TGFBR3: variants seen among roughly 807,000 people sequenced by gnomAD.
TGFBR3 encodes the protein transforming growth factor beta receptor 3, also known as transforming growth factor beta receptor type 3.
TGFBR3 carries 46 observed loss-of-function variants against 87.9 expected under a neutral mutation model. The ratio of observed to expected loss-of-function variants is 0.52; its 90% CI spans 0.41 to 0.67. The LOEUF is 0.67. TGFBR3 is among the 30% of genes least tolerant of loss of function. TGFBR3 has a pLI of 0.00. For synonymous variants in TGFBR3, 381 were observed against 391.6 expected (o/e 0.97, Z 0.32); for missense variants, 866 against 1,041.9 (o/e 0.83, Z 2.32).
At chr1:91,869,277 G>A (rs905391772) in intron 1 of TGFBR3, among the ~76,000 whole-genome samples, 5 of 152,238 alleles carry the variant, frequency 3.3e-5, no homozygotes, top group Admixed American at 1.3e-4. Context: ...CCAGCAAGGC[G>A]GATCACAGTC....
upstream of TGFBR3, among the ~76,000 whole-genome samples, chr1:91,886,586 G>A (rs1250019983): frequency 1.3e-5 from 2 of 152,158 alleles, no homozygotes; most frequent in African/African-American, 4.8e-5. Context: ...TTGGTTCCTT[G>A]GTCTTTATAT....
intron 2 of TGFBR3, among the ~76,000 whole-genome samples, chr1:91,851,019 C>A (rs1677710580): frequency 6.6e-6 from 1 of 152,162 alleles, no homozygotes. Context: ...TTTATCAAGA[C>A]CTTTTCCTTT....
chr1:91,899,672 C>A lies in TGFBR3; in HGVS notation c.-149G>T, dbSNP rs912755791. 7 of 152,184 alleles carry A rather than the reference C, an allele frequency of 4.6e-5. 1 individual carries two copies. The highest frequency in any genetic ancestry group is 2.1e-4 in the South Asian group (1 of 4,826). 9.4% of individuals were successfully genotyped at this position (152,184 alleles called of 1,614,324 possible). On this transcript the variant is annotated 5_prime_UTR_variant, in exon 2 of 18. Transcript: ENST00000370399. ...CTACACACAAGGATTCTCTGCCGTCCCTCTGATGTTGTGTCCTTGCTTTGA... is the reference window on the plus strand; with the variant it reads ...CTACACACAAGGATTCTCTGCCGTCACTCTGATGTTGTGTCCTTGCTTTGA...
intron 2 of TGFBR3, among the ~76,000 whole-genome samples, chr1:91,823,690 C>A (rs1311023853): frequency 1.3e-5 from 2 of 152,128 alleles, no homozygotes; most frequent in African/African-American, 4.8e-5. Context: ...TTAGTAATTG[C>A]CTGGGACTGG....
intron 1 of TGFBR3, among the ~76,000 whole-genome samples, chr1:91,865,202 CAAAAAAAAA>C (rs67134125): frequency 4.3e-4 from 45 of 105,262 alleles, no homozygotes; most frequent in African/African-American, 1.6e-3. Flanking sequence ...GACTCCATCT[CAAAAAAAAA>C]AAAAAAAAGA....
intron 2 of TGFBR3, among the ~76,000 whole-genome samples, chr1:91,851,314 T>C (rs1264113205): frequency 6.6e-6 from 1 of 152,182 alleles, no homozygotes; most frequent in Non-Finnish European, 1.5e-5. Context: ...AAAATATGAC[T>C]AGATTGAAGT....
chr1:91,855,098 A>G (rs1677888921), intron 2 of TGFBR3, among the ~76,000 whole-genome samples: 1 of 152,196 alleles, frequency 6.6e-6, no homozygotes. Flanking sequence ...GAGCTTTCTG[A>G]GCAGGAAAAT....
intron 4 of TGFBR3, among the ~76,000 whole-genome samples, chr1:91,746,959 A>G (rs928919029): frequency 6.6e-6 from 1 of 152,178 alleles, no homozygotes; most frequent in East Asian, 1.9e-4. Flanking sequence ...CACATCCCTC[A>G]GCCTCATGTT....
chr1:91,851,306 A>C (rs1473836001), intron 2 of TGFBR3, among the ~76,000 whole-genome samples: 1 of 152,212 alleles, frequency 6.6e-6, no homozygotes, highest in Non-Finnish European at 1.5e-5. Flanking sequence ...AGAAAACAAA[A>C]ATATGACTAG....
chr1:91,799,917 C>A (rs1049477755), intron 2 of TGFBR3, among the ~76,000 whole-genome samples: 4 of 152,148 alleles, frequency 2.6e-5, no homozygotes, highest in African/African-American at 9.7e-5. Context: ...AAGATGTGCA[C>A]TTCTTGCCTT....
chr1:91,787,943 G>GGGAAAAAAAAAAAAAAAAA (rs945269870), intron 3 of TGFBR3, among the ~76,000 whole-genome samples: 38 of 133,300 alleles, frequency 2.9e-4, no homozygotes, highest in African/African-American at 1.1e-3. Flanking sequence ...GTCTCACGGG[G>GGGAAAAAAAAAAAAAAAAA]AAAAAAAAAA....
intron 2 of TGFBR3, among the ~76,000 whole-genome samples, chr1:91,810,075 C>A (rs139273776): frequency 6.6e-6 from 1 of 152,016 alleles, no homozygotes; most frequent in Middle Eastern, 3.2e-3. Flanking sequence ...GGTAAGTGGA[C>A]GGGGACAAGG....
chr1:91,745,257 C>T (rs1232081667), intron 4 of TGFBR3, among the ~76,000 whole-genome samples: 2 of 152,222 alleles, frequency 1.3e-5, no homozygotes, highest in African/African-American at 4.8e-5. Flanking sequence ...TTCCTCTTCC[C>T]TTTTCCTGAC....
At position 91,734,897 on chromosome 1, in the gene TGFBR3, T is replaced by C. The variant is rs368616204; in HGVS notation, c.447A>G (p.Glu149=). Residue 149 remains glutamate (E), a synonymous_variant, in exon 5 of 17, where the codon GAA becomes GAG. Coordinates refer to ENST00000212355, the MANE Select transcript of TGFBR3 (RefSeq NM_003243.5). ...CATTTCCATGGGGGAAGTTCCTTTC[T>C]TCTGTTTCTGCTGTCAAGGAGAAGT... The part of the protein sequence containing the change: ...SANFSLTAET[E]ERNFPHGNEH... The C allele has an allele frequency of 5.6e-6, 9 of 1,614,074 alleles. No homozygotes were observed. In the African/African-American group the frequency reaches 1.1e-4, roughly 19 times the overall value.
chr1:91,797,575 T>C, intron 2 of TGFBR3, 104 bp from the exon 3 acceptor site: 3 of 1,283,634 alleles, frequency 2.3e-6, no homozygotes, highest in Non-Finnish European at 3.4e-6. Context: ...GAGATGCCTT[T>C]CCAGGTAAAC....
At chr1:91,827,040 T>G (rs1676667469) in intron 2 of TGFBR3, among the ~76,000 whole-genome samples, 1 of 152,212 alleles carries the variant, frequency 6.6e-6, no homozygotes, top group Admixed American at 6.5e-5. Context: ...TAGTTGCCTT[T>G]ATTGATTCAA....
chr1:91,796,888 T>A (rs1675404750), intron 3 of TGFBR3, among the ~76,000 whole-genome samples: 1 of 151,998 alleles, frequency 6.6e-6, no homozygotes. Context: ...TGCTAATTTT[T>A]TTTTTTTTTA....
intron 2 of TGFBR3, among the ~76,000 whole-genome samples, chr1:91,892,975 C>T (rs1242497275): frequency 6.6e-6 from 1 of 152,116 alleles, no homozygotes. Flanking sequence ...CCTCTTGATA[C>T]TCAGTTAACA....
intron 4 of TGFBR3, among the ~76,000 whole-genome samples, chr1:91,754,220 A>G (rs1037823619): frequency 6.1e-5 from 9 of 147,218 alleles, no homozygotes; most frequent in African/African-American, 2.2e-4. Context: ...CTCTCATTTT[A>G]GCAAATTCAG....
Sources: allele counts gnomAD v4.1 joint callset (sites outside exome capture counted in the v4.1 genomes callset), GRCh38; gene constraint gnomAD v4.1.1; transcripts MANE v1.5; gene names NCBI Gene and HGNC (gene_info 2026-07-23, HGNC 2026-07-21).